CNTLN: variants seen among roughly 807,000 people sequenced by gnomAD.
CNTLN encodes the protein centlein, also known as centlein, centrosomal protein.
In CNTLN, 212 loss-of-function variants were observed where a neutral mutation model predicts 180.0. The ratio of observed to expected loss-of-function variants is 1.18; its 90% CI spans 1.05 to 1.32. CNTLN has a LOEUF of 1.32. Ranked by LOEUF, CNTLN falls within the 40% of genes most tolerant of loss-of-function variation. The probability of loss-of-function intolerance (pLI) is 0.00; values close to 1 mark genes in which losing one functional copy is unlikely to be tolerated. For missense variants in CNTLN, 2,095 were observed against 1,610.9 expected (o/e 1.30, Z -5.14); for synonymous variants, 722 against 563.1 (o/e 1.28, Z -3.99).
At chr9:17,191,384 C>G (rs890077745) in intron 2 of CNTLN, among the ~76,000 whole-genome samples, 1 of 152,204 alleles carries the variant, frequency 6.6e-6, no homozygotes, top group Non-Finnish European at 1.5e-5. Flanking sequence ...CAATAGATGT[C>G]AAGTATTGCT....
chr9:17,379,430 C>G (rs1458256447), intron 13 of CNTLN, among the ~76,000 whole-genome samples: 2 of 152,150 alleles, frequency 1.3e-5, no homozygotes, highest in African/African-American at 4.8e-5. Context: ...CTTGACCTCC[C>G]TGGAACCCAG....
chr9:17,406,277 A>G (rs1827383373), intron 15 of CNTLN, among the ~76,000 whole-genome samples: 1 of 151,786 alleles, frequency 6.6e-6, no homozygotes, highest in Admixed American at 6.6e-5. Context: ...TTTGTTTGTC[A>G]TCACTCTTAT....
intron 19 of CNTLN, among the ~76,000 whole-genome samples, chr9:17,458,051 C>T (rs1264114042): frequency 6.6e-6 from 1 of 151,912 alleles, no homozygotes; most frequent in Admixed American, 6.6e-5. Context: ...TCAACATAAA[C>T]AGAATTGCTT....
chr9:17,417,208 C>A (rs548235266), intron 18 of CNTLN, among the ~76,000 whole-genome samples: 2 of 152,254 alleles, frequency 1.3e-5, no homozygotes, highest in African/African-American at 4.8e-5. Context: ...GATACCACAA[C>A]CACTGTATAG....
chr9:17,214,812 A>G (rs987183575), intron 2 of CNTLN, among the ~76,000 whole-genome samples: 9 of 152,144 alleles, frequency 5.9e-5, no homozygotes, highest in African/African-American at 2.2e-4. Flanking sequence ...TTGATCTTCA[A>G]TCACTGATAC....
At chr9:17,321,934 G>A (rs185758455) in intron 8 of CNTLN, among the ~76,000 whole-genome samples, 243 of 152,034 alleles carry the variant, frequency 1.6e-3, no homozygotes, top group African/African-American at 5.5e-3. Flanking sequence ...AATATATTAG[G>A]TCAAGGTGCC....
At chr9:17,182,987 C>T (rs548862889) in intron 2 of CNTLN, among the ~76,000 whole-genome samples, 1 of 152,272 alleles carries the variant, frequency 6.6e-6, no homozygotes, top group Admixed American at 6.5e-5. Flanking sequence ...TTAGTTGTTA[C>T]TGGAGGTCTG....
chr9:17,508,206 G>C (rs1293486176), downstream of CNTLN, among the ~76,000 whole-genome samples: 2 of 152,102 alleles, frequency 1.3e-5, no homozygotes, highest in Admixed American at 1.3e-4. Context: ...GCATAGTCAA[G>C]ACATTTTTAT....
In CNTLN at chr9:17,387,552, T is replaced by A. The variant is rs184197653; in HGVS notation, c.1988-610T>A. 5.5e-3 allele frequency among the ~76,000 whole-genome samples: 841 copies of A among 152,282 alleles called. 6 individuals are homozygous for A. The highest frequency in any genetic ancestry group is 8.2e-3 in the Admixed American group (125 of 15,282). On this transcript the variant is annotated intron_variant, in intron 13 of 25. Transcript: ENST00000380647. The stretch of plus-strand genomic sequence containing the variant: ...TTGAAAAGGTTTTGGCAGTCAAATG[T>A]ATAGCTAGTGTAGGAATGATTTGTA...
chr9:17,242,997 G>C (rs901512178), intron 5 of CNTLN, among the ~76,000 whole-genome samples: 3 of 152,088 alleles, frequency 2.0e-5, no homozygotes, highest in Admixed American at 1.3e-4. Flanking sequence ...CTTTAATAAG[G>C]CTTCAGTCTC....
At chr9:17,229,845 T>A (rs961414921) in intron 3 of CNTLN, among the ~76,000 whole-genome samples, 1 of 152,158 alleles carries the variant, frequency 6.6e-6, no homozygotes, top group African/African-American at 2.4e-5. Flanking sequence ...TATTAGGCTG[T>A]CTCCACTGTT....
chr9:17,404,962 T>A (rs1226526035), intron 15 of CNTLN, among the ~76,000 whole-genome samples: 1 of 151,638 alleles, frequency 6.6e-6, no homozygotes, highest in Non-Finnish European at 1.5e-5. Flanking sequence ...GGTCTTGAAC[T>A]CCTGACGTCA....
Position 17,236,399 on chromosome 9 carries a change from T to G in CNTLN, c.670-10T>G. ...TTTTATTTATTTGCCCTTGTGGTAC[T>G]GTTCTACAGGACACTAAGGAGTGTG... is the stretch of plus-strand genomic sequence containing the variant. On this transcript the variant is annotated splice_polypyrimidine_tract_variant and intron_variant, in intron 4 of 25. Coordinates refer to ENST00000380647, the MANE Select transcript of CNTLN (RefSeq NM_017738.4). 1 of 1,560,358 alleles carries G rather than the reference T, an allele frequency of 6.4e-7. No homozygotes were observed. Among genetic ancestry groups the G allele is most frequent in the Non-Finnish European group, 8.6e-7 (1 of 1,159,664 alleles).
At chr9:17,144,489 C>T (rs1360137416) in intron 2 of CNTLN, among the ~76,000 whole-genome samples, 1 of 152,194 alleles carries the variant, frequency 6.6e-6, no homozygotes, top group Non-Finnish European at 1.5e-5. Flanking sequence ...TCTTTATTCT[C>T]CTCTCCTTTT....
chr9:17,336,624 T>C (rs1005368794), intron 10 of CNTLN, among the ~76,000 whole-genome samples: 17 of 152,218 alleles, frequency 1.1e-4, no homozygotes, highest in Admixed American at 6.5e-4. Context: ...TTGATAATTT[T>C]ATAAGACTTA....
At chr9:17,252,405 C>A (rs1275350194) in intron 5 of CNTLN, among the ~76,000 whole-genome samples, 1 of 151,690 alleles carries the variant, frequency 6.6e-6, no homozygotes, top group African/African-American at 2.4e-5. Context: ...TCACTTACAT[C>A]TGTTATTTTC....
chr9:17,254,559 C>T (rs1826355283), intron 5 of CNTLN, among the ~76,000 whole-genome samples: 2 of 150,940 alleles, frequency 1.3e-5, no homozygotes, highest in African/African-American at 4.9e-5. Context: ...GAAAAGGCTG[C>T]CCTTTAGTCA....
chr9:17,445,063 A>T (rs75061800), intron 18 of CNTLN, among the ~76,000 whole-genome samples: 4 of 151,994 alleles, frequency 2.6e-5, no homozygotes, highest in Admixed American at 6.6e-5. Flanking sequence ...GTAACTTTTT[A>T]TTTTATCAAA....
Position 17,466,056 on chromosome 9 carries a change from G to A in CNTLN, c.3607G>A (p.Val1203Ile). ...ACTAAAGCAAAGACTTAACGTTGCTGTAAAAGAAAAGTCACAGTATGAACA... is the reference window on the plus strand; with the variant it reads ...ACTAAAGCAAAGACTTAACGTTGCTATAAAAGAAAAGTCACAGTATGAACA... Reference protein sequence around the residue: ...DSLKQRLNVAVKEKSQYEQMY... With the variant: ...DSLKQRLNVAIKEKSQYEQMY... Residue 1203 changes from valine to isoleucine, a missense_variant, in exon 22 of 26, where the codon GTA becomes ATA. Coordinates refer to ENST00000380647, the MANE Select transcript of CNTLN (RefSeq NM_017738.4). The A allele has an allele frequency of 6.2e-7, 1 of 1,604,576 alleles. No individual in the cohort carries two copies. Among genetic ancestry groups the A allele is most frequent in the Non-Finnish European group, 8.5e-7 (1 of 1,173,106 alleles).
Sources: gnomAD v4.1 joint callset for allele counts (sites outside exome capture counted in the v4.1 genomes callset) on GRCh38, gnomAD v4.1.1 for gene constraint, MANE v1.5 for transcripts, NCBI Gene and HGNC (gene_info 2026-07-23, HGNC 2026-07-21) for gene names.